The following DIAPH3 variants were observed in gnomAD, a reference collection of about 807,000 sequenced individuals.
DIAPH3 encodes the protein diaphanous related formin 3.
In DIAPH3, 117 loss-of-function variants were observed where a neutral mutation model predicts 144.3. The ratio of observed to expected loss-of-function variants is 0.81; its 90% CI spans 0.70 to 0.95. DIAPH3 has a LOEUF of 0.95. DIAPH3 is among the 40% of genes least tolerant of loss of function. DIAPH3 has a pLI of 0.00. For synonymous variants in DIAPH3, 519 were observed against 488.9 expected (o/e 1.06, Z -0.81); for missense variants, 1,421 against 1,412.7 (o/e 1.01, Z -0.09).
At chr13:60,090,042 G>T (rs1441212682) in intron 4 of DIAPH3, among the ~76,000 whole-genome samples, 2 of 152,110 alleles carry the variant, frequency 1.3e-5, no homozygotes, top group African/African-American at 2.4e-5. Flanking sequence ...GCAGCTCTGT[G>T]ACATCAAGCA....
At chr13:59,911,910 T>C (rs992553479) in intron 19 of DIAPH3, 74 bp from the exon 20 acceptor site, 37 of 1,158,578 alleles carry the variant, frequency 3.2e-5, no homozygotes, top group Middle Eastern at 2.6e-4. Context: ...ATTTAAAAAC[T>C]ACTGAAAGAA....
At chr13:60,155,867 T>C (rs1236978900) in intron 1 of DIAPH3, among the ~76,000 whole-genome samples, 1 of 152,250 alleles carries the variant, frequency 6.6e-6, no homozygotes, top group Non-Finnish European at 1.5e-5. Flanking sequence ...TATTTTTCTA[T>C]TGTAATTTGG....
chr13:59,879,940 T>G (rs527809129), intron 20 of DIAPH3, among the ~76,000 whole-genome samples: 7 of 152,322 alleles, frequency 4.6e-5, no homozygotes, highest in African/African-American at 1.7e-4. Flanking sequence ...ACTAACAGTA[T>G]GTGTTAGATA....
chr13:60,098,835 G>A (rs1369905741), intron 3 of DIAPH3, among the ~76,000 whole-genome samples: 4 of 151,998 alleles, frequency 2.6e-5, no homozygotes, highest in South Asian at 2.1e-4. Flanking sequence ...ATATATGTAC[G>A]TATCTCATTA....
At chr13:60,030,579 C>G (rs1451087509) in intron 5 of DIAPH3, among the ~76,000 whole-genome samples, 1 of 152,098 alleles carries the variant, frequency 6.6e-6, no homozygotes, top group Non-Finnish European at 1.5e-5. Flanking sequence ...GATCTTCTCT[C>G]CTGAGTCCCA....
intron 2 of DIAPH3, among the ~76,000 whole-genome samples, chr13:60,126,915 GCAAA>G (rs1213985802): frequency 2.0e-5 from 3 of 151,852 alleles, no homozygotes; most frequent in Non-Finnish European, 4.4e-5. Context: ...TAACATGTTA[GCAAA>G]CAAAGGTATT....
intron 2 of DIAPH3, among the ~76,000 whole-genome samples, chr13:60,121,000 G>A (rs911141746): frequency 7.2e-5 from 11 of 151,988 alleles, no homozygotes; most frequent in African/African-American, 2.2e-4. Flanking sequence ...AAATATATAC[G>A]AACTAAAGTA....
chr13:60,033,610 A>G (rs184015239), intron 5 of DIAPH3, among the ~76,000 whole-genome samples: 3 of 152,242 alleles, frequency 2.0e-5, no homozygotes, highest in Middle Eastern at 3.4e-3. Flanking sequence ...TCTCATGAAA[A>G]TTCACTCACT....
chr13:60,113,884 C>G (rs2058634065), intron 2 of DIAPH3, among the ~76,000 whole-genome samples: 1 of 152,162 alleles, frequency 6.6e-6, no homozygotes, highest in South Asian at 2.1e-4. Context: ...AGTCTACACC[C>G]ACCTACCAAC....
chr13:59,685,974 T>C (rs779207878), intron 27 of DIAPH3, among the ~76,000 whole-genome samples: 51 of 152,132 alleles, frequency 3.4e-4, no homozygotes, highest in Non-Finnish European at 5.9e-4. Context: ...CAAGTTAACA[T>C]TGCAGTAGTT....
intron 27 of DIAPH3, among the ~76,000 whole-genome samples, chr13:59,715,714 A>G (rs145308556): frequency 5.6e-4 from 86 of 152,314 alleles, no homozygotes; most frequent in African/African-American, 2.0e-3. Flanking sequence ...AATGGAATTA[A>G]CAGTGACCTG....
At chr13:59,704,960 T>C (rs893884089) in intron 27 of DIAPH3, among the ~76,000 whole-genome samples, 3 of 152,120 alleles carry the variant, frequency 2.0e-5, no homozygotes, top group African/African-American at 7.2e-5. Flanking sequence ...CCCTCAAAAA[T>C]GTGAAAAGAA....
chr13:59,871,393 T>C (rs1236119479), intron 21 of DIAPH3, among the ~76,000 whole-genome samples: 1 of 152,188 alleles, frequency 6.6e-6, no homozygotes, highest in Non-Finnish European at 1.5e-5. Flanking sequence ...AAAAAGCATC[T>C]TGTTCCTTAC....
intron 27 of DIAPH3, among the ~76,000 whole-genome samples, chr13:59,741,476 G>A (rs1280717597): frequency 6.6e-6 from 1 of 152,138 alleles, no homozygotes; most frequent in South Asian, 2.1e-4. Flanking sequence ...AAAGTGGGGG[G>A]CCAGGCGCAG....
At chr13:59,762,851 T>A (rs1049259067) in intron 27 of DIAPH3, among the ~76,000 whole-genome samples, 1 of 152,158 alleles carries the variant, frequency 6.6e-6, no homozygotes, top group African/African-American at 2.4e-5. Context: ...GAGGCGTCTG[T>A]CTTAGTTAAT....
chr13:59,913,620 T>C (rs1208051345), intron 19 of DIAPH3, among the ~76,000 whole-genome samples: 1 of 152,194 alleles, frequency 6.6e-6, no homozygotes, highest in African/African-American at 2.4e-5. Flanking sequence ...GTCATTTCCC[T>C]TGTCAAATTA....
At chr13:60,031,893 G>A (rs968217123) in intron 5 of DIAPH3, among the ~76,000 whole-genome samples, 1 of 151,954 alleles carries the variant, frequency 6.6e-6, no homozygotes, top group African/African-American at 2.4e-5. Context: ...ATAGGCACAG[G>A]CCACCATGCC....
chr13:59,828,358 T>A (rs2041573628), intron 24 of DIAPH3, among the ~76,000 whole-genome samples: 1 of 152,008 alleles, frequency 6.6e-6, no homozygotes, highest in East Asian at 1.9e-4. Context: ...CCCATCAATG[T>A]AAATAGACAA....
At chr13:59,983,603 C>T (rs1290787791) in intron 13 of DIAPH3, among the ~76,000 whole-genome samples, 166 bp downstream of exon 13, 1 of 151,526 alleles carries the variant, frequency 6.6e-6, no homozygotes, top group Non-Finnish European at 1.5e-5. Flanking sequence ...GTGCAAAATA[C>T]CAACCCAATA....
Sources: allele counts gnomAD v4.1 joint callset (sites outside exome capture counted in the v4.1 genomes callset), GRCh38; gene constraint gnomAD v4.1.1; transcripts MANE v1.5; gene names NCBI Gene and HGNC (gene_info 2026-07-23, HGNC 2026-07-21).